DCLK3: variants seen among roughly 807,000 people sequenced by gnomAD.
The protein encoded by DCLK3 is doublecortin like kinase 3, also known as serine/threonine-protein kinase DCLK3.
In DCLK3, 30 loss-of-function variants were observed where a neutral mutation model predicts 46.4. The ratio of observed to expected loss-of-function variants is 0.65; its 90% confidence interval spans 0.48 to 0.88. DCLK3 has a LOEUF of 0.88. Ranked by LOEUF, DCLK3 falls within the 40% of genes least tolerant of loss-of-function variation. DCLK3 has a pLI of 0.00. For missense variants in DCLK3, 846 were observed against 907.1 expected, an observed-to-expected ratio of 0.93 and a Z score of 0.87; for synonymous variants, 401 against 339.2, an observed-to-expected ratio of 1.18 and a Z score of -2.00.
In DCLK3 at chr3:36,738,154, C is replaced by T; in HGVS notation, c.1013G>A (p.Gly338Asp). The change falls in exon 2 of 5, where the codon GGC becomes GAC. Residue 338 changes from glycine to aspartate, a missense_variant. Around this residue, in one of 3 missense-constraint regions of DCLK3, gnomAD observed 553 missense variants for 543.0 expected, o/e 1.02. Coordinates refer to ENST00000636136, the MANE Select transcript of DCLK3 (RefSeq NM_001394672.2). ...CAGCTTCTCCACATCATACATTGGG[C>T]CCTTCCCCATATCCAGCTCACTGGT... Reference protein sequence around the residue: ...LGTSELDMGKGPMYDVEKLVR... With the variant: ...LGTSELDMGKDPMYDVEKLVR... The T allele has an allele frequency of 6.2e-7, 1 of 1,614,096 alleles. No homozygotes were observed.
intron 2 of DCLK3, among the ~76,000 whole-genome samples, chr3:36,722,645 A>G (rs1701076605): frequency 6.6e-6 from 1 of 152,144 alleles, no homozygotes; most frequent in African/African-American, 2.4e-5. Context: ...TGCTGTTCTC[A>G]TGATAGTGAA....
At chr3:36,718,863 CAT>C (rs1701021919) in intron 3 of DCLK3, among the ~76,000 whole-genome samples, 2 of 152,182 alleles carry the variant, frequency 1.3e-5, no homozygotes, top group Non-Finnish European at 2.9e-5. Flanking sequence ...TATATAGAGA[CAT>C]GTATACTTTT....
chr3:36,737,205 T>C lies in DCLK3; in HGVS notation c.1959+3A>G, dbSNP rs1453391996. ...TCCCATATCATCAAAAGTCAAGGCT[T>C]ACCAAAAGGTTTTCCGGCTTGAGGT... is the stretch of plus-strand genomic sequence containing the variant. On this transcript the variant is annotated splice_donor_region_variant and intron_variant, in intron 2 of 4. Coordinates refer to ENST00000636136, the MANE Select transcript of DCLK3 (RefSeq NM_001394672.2). This position sits in a 1 kb window ranked among gnomAD's most constrained non-coding sequence, Gnocchi z 4.4. 4 of 1,611,106 alleles carry C rather than the reference T, an allele frequency of 2.5e-6. No individual in the cohort carries two copies. The highest frequency in any genetic ancestry group is 4.5e-5 in the East Asian group (2 of 44,852).
intron 2 of DCLK3, among the ~76,000 whole-genome samples, chr3:36,726,796 G>T (rs936585933): frequency 1.3e-5 from 2 of 152,142 alleles, no homozygotes; most frequent in East Asian, 1.9e-4. Context: ...TCTGCATATA[G>T]AAACTGACAT....
intron 2 of DCLK3, among the ~76,000 whole-genome samples, chr3:36,724,959 C>A (rs1160037928): frequency 6.6e-6 from 1 of 150,642 alleles, no homozygotes; most frequent in Non-Finnish European, 1.5e-5. Context: ...AGACTTGAGG[C>A]TGGATGGTCT....
intron 2 of DCLK3, among the ~76,000 whole-genome samples, chr3:36,731,450 TGCAC>T (rs1225581824): frequency 2.9e-5 from 2 of 68,546 alleles, no homozygotes; most frequent in Non-Finnish European, 6.2e-5. Flanking sequence ...CCTTCGTGCG[TGCAC>T]ACACACACAC....
At chr3:36,761,071 T>G (rs1419093585) in intron 1 of DCLK3, among the ~76,000 whole-genome samples, 1 of 152,198 alleles carries the variant, frequency 6.6e-6, no homozygotes, top group Non-Finnish European at 1.5e-5. Context: ...CATTTAGCCT[T>G]CAAAACCAGC....
At chr3:36,719,732 C>T (rs1047603938) in intron 3 of DCLK3, among the ~76,000 whole-genome samples, 1 of 152,212 alleles carries the variant, frequency 6.6e-6, no homozygotes, top group Non-Finnish European at 1.5e-5. Context: ...GCCAAGTGGA[C>T]AACTCCATTA....
At chr3:36,724,598 G>T (rs1374082858) in intron 2 of DCLK3, among the ~76,000 whole-genome samples, 1 of 152,074 alleles carries the variant, frequency 6.6e-6, no homozygotes, top group Non-Finnish European at 1.5e-5. Context: ...AGTCTCACGA[G>T]ATCTGACAGT....
At chr3:36,762,496 C>T (rs967739806) in intron 1 of DCLK3, among the ~76,000 whole-genome samples, 4 of 152,168 alleles carry the variant, frequency 2.6e-5, no homozygotes, top group Non-Finnish European at 4.4e-5. Flanking sequence ...TTTGACACAA[C>T]TCCACATTGG....
chr3:36,715,277 T>G lies in DCLK3; in HGVS notation c.*51A>C. ...GTTTTTCTCTCAAACTTCTATCCTT[T>G]TCTCTGTCCTTGAGCAGAACTGGGG... On this transcript the variant is annotated 3_prime_UTR_variant, in exon 5 of 5. Transcript: ENST00000636136. The G allele has an allele frequency of 6.3e-7, 1 of 1,591,534 alleles. No homozygotes were observed. Among genetic ancestry groups the G allele is most frequent in the Non-Finnish European group, 8.5e-7 (1 of 1,171,248 alleles).
chr3:36,739,295 G>T (rs1263688203), intron 1 of DCLK3, among the ~76,000 whole-genome samples: 1 of 152,146 alleles, frequency 6.6e-6, no homozygotes, highest in Non-Finnish European at 1.5e-5. Flanking sequence ...TAAGCATTGG[G>T]CTTGCAGTGA....
At chr3:36,743,314 CAAAATAAAAT>C (rs988229805) in intron 1 of DCLK3, among the ~76,000 whole-genome samples, 4 of 127,278 alleles carry the variant, frequency 3.1e-5, no homozygotes, top group East Asian at 2.2e-4. Context: ...AAAAATAAAA[CAAAATAAAAT>C]AAAATAAAAT....
At position 36,764,225 on chromosome 3, in the gene DCLK3, G is replaced by GGGC; in HGVS notation, c.36_38dup (p.Pro14dup). ...GGCAGGCTGGGGCTGGCCGGGCCGG[G>GGGC]GGCGGCGGCGGCTGCGGGGCTGGAG... On this transcript the variant is annotated inframe_insertion, in exon 1 of 5. Coordinates refer to ENST00000636136, the MANE Select transcript of DCLK3 (RefSeq NM_001394672.2). The surrounding 1 kb of genome is among the most constrained non-coding windows in gnomAD (Gnocchi z 4.9). The GGGC allele has an allele frequency of 3.1e-6, 1 of 320,302 alleles. No homozygotes were observed. The highest frequency in any genetic ancestry group is 5.7e-6 in the Non-Finnish European group (1 of 175,868). The allele number at this position is 320,302 out of a possible 1,614,324, so 19.8% of individuals were successfully genotyped here.
intron 1 of DCLK3, among the ~76,000 whole-genome samples, chr3:36,740,920 G>A: frequency 6.6e-6 from 1 of 152,196 alleles, no homozygotes; most frequent in East Asian, 1.9e-4. Context: ...TACACAGAAT[G>A]TTTTTTGTTT....
At chr3:36,741,188 G>C (rs1436245778) in intron 1 of DCLK3, among the ~76,000 whole-genome samples, 2 of 152,224 alleles carry the variant, frequency 1.3e-5, no homozygotes, top group East Asian at 3.8e-4. Flanking sequence ...AGGAATACTA[G>C]TTTGTATTTC....
chr3:36,722,479 T>G (rs1279025645), intron 2 of DCLK3, among the ~76,000 whole-genome samples: 1 of 152,206 alleles, frequency 6.6e-6, no homozygotes, highest in African/African-American at 2.4e-5. Context: ...AAACATCTCA[T>G]GTACCCCAAA....
chr3:36,726,143 A>G (rs1379047168), intron 2 of DCLK3, among the ~76,000 whole-genome samples: 1 of 152,144 alleles, frequency 6.6e-6, no homozygotes, highest in Non-Finnish European at 1.5e-5. Flanking sequence ...CATATCTTGC[A>G]GCAAGTAAAA....
At chr3:36,717,028 G>A (rs1700989677) in intron 4 of DCLK3, among the ~76,000 whole-genome samples, 1 of 152,240 alleles carries the variant, frequency 6.6e-6, no homozygotes, top group Non-Finnish European at 1.5e-5. Context: ...TGAGGAAATA[G>A]AGGCTAGGGA....
Sources: allele counts gnomAD v4.1 joint callset (sites outside exome capture counted in the v4.1 genomes callset), GRCh38; gene constraint gnomAD v4.1.1; regional missense constraint gnomAD v4.1.1; non-coding constraint Gnocchi (gnomAD v3.1); transcripts MANE v1.5; gene names NCBI Gene and HGNC (gene_info 2026-07-23, HGNC 2026-07-21).